KCTD2: variants seen among roughly 807,000 people sequenced by gnomAD.
KCTD2 encodes the protein potassium channel tetramerization domain containing 2.
In KCTD2, 18 loss-of-function variants were observed where a neutral mutation model predicts 27.9. The observed-to-expected ratio is 0.64, with a 90% CI of 0.45 to 0.96. The LOEUF (loss-of-function observed/expected upper bound fraction) is 0.96. Ranked by LOEUF, KCTD2 falls within the 40% of genes least tolerant of loss-of-function variation. The pLI, the probability that KCTD2 is intolerant of heterozygous loss-of-function variation, is 0.00. For synonymous variants in KCTD2, 175 were observed against 148.4 expected, an observed-to-expected ratio of 1.18 and a Z score of -1.30; for missense variants, 280 against 348.0, an observed-to-expected ratio of 0.80 and a Z score of 1.56.
intron 3 of KCTD2, chr17:75,039,247 A>T: frequency 2.5e-6 from 4 of 1,614,150 alleles, no homozygotes; most frequent in Non-Finnish European, 3.4e-6. Flanking sequence ...TTTGAGAGAG[A>T]CACCCACTCA....
At chr17:75,053,234 A>G (rs909408950) in intron 3 of KCTD2, 129 bp downstream of exon 3, 3 of 717,926 alleles carry the variant, frequency 4.2e-6, no homozygotes, top group Non-Finnish European at 7.4e-6. Flanking sequence ...CAGTGCAGGG[A>G]ATGCACACTC....
upstream of KCTD2, among the ~76,000 whole-genome samples, chr17:75,043,971 C>T (rs1049249573): frequency 4.6e-5 from 7 of 151,904 alleles, no homozygotes; most frequent in Non-Finnish European, 7.4e-5. Context: ...TACACCTGCA[C>T]CTTCTTATTC....
intron 1 of KCTD2, 35 bp downstream of exon 1, chr17:75,047,624 C>T (rs758557061): frequency 1.3e-6 from 2 of 1,583,826 alleles, no homozygotes; most frequent in Admixed American, 1.8e-5. Flanking sequence ...CCCGGGCCTT[C>T]GAACCCCCTG....
upstream of KCTD2, among the ~76,000 whole-genome samples, chr17:75,045,621 T>C (rs533881867): frequency 3.3e-5 from 5 of 152,348 alleles, no homozygotes; most frequent in East Asian, 1.9e-4. Context: ...AAGAGAAATA[T>C]GGCTCTGTTC....
chr17:75,047,462 C>T lies in KCTD2; in HGVS notation c.212C>T (p.Ala71Val). ...GAGCGGGCAGGGGGCGGCGGCGCGG[C>T]CCGCTGGGTCAGGCTGAACGTGGGA... The part of the protein sequence containing the change: ...PPERAGGGGA[A>V]RWVRLNVGGT... The change falls in exon 1 of 6, where the codon GCC (alanine) becomes GTC (valine). Residue 71 changes from alanine (A) to valine (V), a missense_variant. Transcript: ENST00000322444. 6.4e-7 allele frequency: 1 copy of T among 1,552,984 alleles called. No homozygotes were observed. The highest frequency in any genetic ancestry group is 8.7e-7 in the Non-Finnish European group (1 of 1,150,890).
upstream of KCTD2, among the ~76,000 whole-genome samples, chr17:75,046,672 C>T (rs2307009): frequency 1.3e-5 from 2 of 152,262 alleles, no homozygotes; most frequent in African/African-American, 4.8e-5. Flanking sequence ...GCACGAGACA[C>T]GGCTTGTGGC....
intron 3 of KCTD2, among the ~76,000 whole-genome samples, chr17:75,055,324 G>A (rs1567992903): frequency 6.6e-6 from 1 of 151,674 alleles, no homozygotes; most frequent in African/African-American, 2.4e-5. Context: ...CAAAGTGCTG[G>A]GATTACAGGC....
rs1037680020 is a variant in KCTD2, at chr17:75,053,969, A to G, written c.540+864A>G. Among the ~76,000 whole-genome samples the G allele has an allele frequency of 2.8e-4, 41 of 144,186 alleles. No individual in the cohort carries two copies. In the Admixed American group the frequency reaches 3.0e-3, roughly 11 times the overall value. 94.6% of individuals were successfully genotyped at this position (144,186 alleles called of 152,430 possible). Reference sequence around the variant, plus strand: ...TGAGCCACCACACCCAGCCTGAACCATGCTTCTAAGAACATAATATCAAGC... The same window carrying G: ...TGAGCCACCACACCCAGCCTGAACCGTGCTTCTAAGAACATAATATCAAGC... On this transcript the variant is annotated intron_variant, in intron 3 of 5. Transcript: ENST00000322444.
At chr17:75,037,683 C>T (rs148051075) in intron 3 of KCTD2, among the ~76,000 whole-genome samples, 1 of 152,312 alleles carries the variant, frequency 6.6e-6, no homozygotes, top group East Asian at 1.9e-4. Flanking sequence ...TAAACCATCT[C>T]TATTGCCTGA....
intron 3 of KCTD2, 34 bp from the exon 4 acceptor site, chr17:75,059,476 G>T: frequency 6.7e-7 from 1 of 1,494,238 alleles, no homozygotes. Context: ...TGGTGTCCTT[G>T]GTGCTGTTCT....
At chr17:75,037,007 C>A (rs2073108852) in intron 3 of KCTD2, among the ~76,000 whole-genome samples, 1 of 152,166 alleles carries the variant, frequency 6.6e-6, no homozygotes, top group Admixed American at 6.5e-5. Context: ...ACGCTGATTT[C>A]TCGAGGGTTG....
chr17:75,050,839 G>A (rs920003710), intron 2 of KCTD2, among the ~76,000 whole-genome samples: 10 of 151,842 alleles, frequency 6.6e-5, no homozygotes, highest in African/African-American at 2.4e-4. Flanking sequence ...GGTATGGGGA[G>A]ATCTTTTTGT....
At chr17:75,042,276 A>G (rs200283373), upstream of KCTD2, 16 of 1,613,828 alleles carry the variant, frequency 9.9e-6, no homozygotes, top group East Asian at 2.2e-5. Flanking sequence ...AAAGCAGCCA[A>G]CCTGCCCACA....
At chr17:75,039,612 C>A (rs2073137865) in intron 3 of KCTD2, 4 of 310,924 alleles carry the variant, frequency 1.3e-5, no homozygotes, top group Non-Finnish European at 2.4e-5. Flanking sequence ...TCTGGTGGAG[C>A]CACTGAGTTC....
intron 3 of KCTD2, among the ~76,000 whole-genome samples, chr17:75,054,833 A>G (rs1228833725): frequency 2.0e-5 from 3 of 151,822 alleles, no homozygotes; most frequent in Admixed American, 6.6e-5. Context: ...AGAAGCTTGA[A>G]GTATAGCCAG....
At chr17:75,051,405 C>T (rs2073285252) in intron 2 of KCTD2, among the ~76,000 whole-genome samples, 2 of 151,244 alleles carry the variant, frequency 1.3e-5, no homozygotes, top group South Asian at 4.2e-4. Flanking sequence ...CTGCCTCAGC[C>T]TCCTGAGTAC....
rs12950279 is a variant in KCTD2, at chr17:75,047,229, G to A, written c.-22G>A. On this transcript the variant is annotated 5_prime_UTR_variant, in exon 1 of 6. Coordinates refer to ENST00000322444, the MANE Select transcript of KCTD2 (RefSeq NM_015353.3). ...CCGGCCCGGCTGCGCGCGGGCAGCA[G>A]CGGTGGCGGCGGCGGTCCAAGATGG... 3.6e-6 allele frequency: 3 copies of A among 826,868 alleles called. No individual in the cohort carries two copies. The highest frequency in any genetic ancestry group is 4.8e-6 in the Non-Finnish European group (3 of 619,984). 51.2% of individuals were successfully genotyped at this position (826,868 alleles called of 1,614,324 possible). A position where few individuals can be genotyped will look rare whatever the true frequency, so the allele number is the denominator to read the frequency against.
chr17:75,035,891 G>A (rs1315282737), intron 3 of KCTD2, among the ~76,000 whole-genome samples: 2 of 152,234 alleles, frequency 1.3e-5, no homozygotes, highest in African/African-American at 4.8e-5. Flanking sequence ...AGGGCAGTGG[G>A]GGTGCTGCCC....
chr17:75,036,982 G>C (rs566870325), intron 3 of KCTD2, among the ~76,000 whole-genome samples: 8 of 152,240 alleles, frequency 5.3e-5, no homozygotes, highest in Non-Finnish European at 2.9e-5. Context: ...GCTCTCCTCT[G>C]CTTATGTTAA....
Sources: gnomAD v4.1 joint callset for allele counts (sites outside exome capture counted in the v4.1 genomes callset) on GRCh38, gnomAD v4.1.1 for gene constraint, MANE v1.5 for transcripts, NCBI Gene and HGNC (gene_info 2026-07-23, HGNC 2026-07-21) for gene names.